The following RASA3 variants were observed in gnomAD, a reference collection of about 807,000 sequenced individuals.
RASA3 encodes ras GTPase-activating protein 3.
Under a neutral mutation model 110.0 loss-of-function variants are expected in RASA3, and 73 were observed. The ratio of observed to expected loss-of-function variants is 0.66; its 90% CI spans 0.55 to 0.81. RASA3 has a LOEUF of 0.81. RASA3 is among the 30% of genes least tolerant of loss of function. RASA3 has a pLI of 0.00. For synonymous variants in RASA3, 500 were observed against 451.4 expected, an observed-to-expected ratio of 1.11 and a Z score of -1.37; for missense variants, 976 against 1,113.2, an observed-to-expected ratio of 0.88 and a Z score of 1.75.
At chr13:114,117,474 CTG>C (rs1380567426) in intron 1 of RASA3, among the ~76,000 whole-genome samples, 2 of 96,738 alleles carry the variant, frequency 2.1e-5, no homozygotes, top group Non-Finnish European at 4.0e-5. Flanking sequence ...GGGTGCACAT[CTG>C]TGGGTGAGCA....
intron 5 of RASA3, among the ~76,000 whole-genome samples, chr13:114,029,113 A>G (rs182308021): frequency 6.8e-4 from 11 of 16,242 alleles, no homozygotes; most frequent in African/African-American, 2.4e-3. Flanking sequence ...CTAAAACGGC[A>G]TCATCCTGGG....
rs533038884 is a variant in RASA3, at chr13:114,118,654, G to A, written c.55+13781C>T. Reference sequence around the variant, plus strand: ...TGTCACCGCCACTTTTAAGCCACAGGCATTACACTAAAATCTGGACTAGCG... The same window carrying A: ...TGTCACCGCCACTTTTAAGCCACAGACATTACACTAAAATCTGGACTAGCG... On this transcript the variant is annotated intron_variant, in intron 1 of 23. Coordinates refer to ENST00000334062, the MANE Select transcript of RASA3 (RefSeq NM_007368.4). 1.6e-4 allele frequency among the ~76,000 whole-genome samples: 24 copies of A among 152,332 alleles called. No homozygotes were observed. The East Asian group carries it at 4.6e-3, about 29-fold the overall frequency.
Position 114,016,228 on chromosome 13 carries a change from A to G in RASA3, c.1250T>C (p.Leu417Ser), listed in dbSNP as rs868832930. 6.2e-7 allele frequency: 1 copy of G among 1,602,116 alleles called. No individual in the cohort carries two copies. The highest frequency in any genetic ancestry group is 8.6e-7 in the Non-Finnish European group (1 of 1,169,358). The change falls in exon 13 of 24, where the codon TTG (leucine) becomes TCG (serine). Residue 417 changes from leucine to serine, a missense_variant. By Grantham distance (145) the Leu-to-Ser change is moderately radical. Transcript: ENST00000334062. ...GTTTTCAAGGTTTTCTCCGTCTTTC[A>G]ACTTCACAGGGTCGATTTCACAGGG... is the stretch of plus-strand genomic sequence containing the variant. The part of the protein sequence containing the change: ...HKPCEIDPVK[L>S]KDGENLENNM...
chr13:114,062,147 G>A (rs926696697), intron 2 of RASA3, among the ~76,000 whole-genome samples: 180 of 151,008 alleles, frequency 1.2e-3, no homozygotes, highest in African/African-American at 4.2e-3. Context: ...GAGTTGATTC[G>A]TAATTCCATT....
chr13:114,002,172 G>A (rs2053420139), intron 18 of RASA3, among the ~76,000 whole-genome samples: 1 of 152,252 alleles, frequency 6.6e-6, no homozygotes, highest in Non-Finnish European at 1.5e-5. Flanking sequence ...CCAAGCTGGA[G>A]AGACAGAGTG....
At position 114,011,489 on chromosome 13, in the gene RASA3, G is replaced by C. The variant is rs781504997; in HGVS notation, c.1513-241C>G. Among the ~76,000 whole-genome samples the C allele has an allele frequency of 6.6e-6, 1 of 152,010 alleles. No individual in the cohort carries two copies. The highest frequency in any genetic ancestry group is 1.5e-5 in the Non-Finnish European group (1 of 67,990). On this transcript the variant is annotated intron_variant, in intron 15 of 23. Coordinates refer to ENST00000334062, the MANE Select transcript of RASA3 (RefSeq NM_007368.4). This position sits in a 1 kb window ranked among gnomAD's most constrained non-coding sequence, Gnocchi z 4.8. Reference sequence around the variant, plus strand: ...CGGCACCGCGGTGACCCACTCTCTCGGCCCAGCGTGCAGGGTGCATCTCAA... The same window carrying C: ...CGGCACCGCGGTGACCCACTCTCTCCGCCCAGCGTGCAGGGTGCATCTCAA...
intron 23 of RASA3, 68 bp from the exon 24 acceptor site, chr13:113,979,490 G>T: frequency 7.6e-7 from 1 of 1,309,752 alleles, no homozygotes; most frequent in Non-Finnish European, 1.1e-6. Context: ...CGTGGCTGCG[G>T]GAGCTTTTCC....
intron 1 of RASA3, among the ~76,000 whole-genome samples, chr13:114,090,642 G>C (rs1004327941): frequency 6.6e-6 from 1 of 152,178 alleles, no homozygotes; most frequent in African/African-American, 2.4e-5. Flanking sequence ...AACTACAAGA[G>C]AAAAACACCT....
chr13:114,132,118 G>A (rs1437131567), intron 1 of RASA3, among the ~76,000 whole-genome samples: 1 of 152,254 alleles, frequency 6.6e-6, no homozygotes, highest in Non-Finnish European at 1.5e-5. Context: ...ACGCTCGGGC[G>A]CACACGCGGA....
At chr13:114,047,413 C>T (rs756602258) in intron 3 of RASA3, among the ~76,000 whole-genome samples, 26 of 152,194 alleles carry the variant, frequency 1.7e-4, no homozygotes, top group Admixed American at 3.3e-4. Flanking sequence ...AAGGGCCGGG[C>T]AGGATGCGAA....
intron 4 of RASA3, among the ~76,000 whole-genome samples, chr13:114,032,286 G>A (rs1319474625): frequency 1.3e-5 from 2 of 152,174 alleles, no homozygotes. Flanking sequence ...GTGGGCCAGA[G>A]CCAACATTCT....
chr13:114,065,988 C>A lies in RASA3; in HGVS notation c.173+7732G>T, dbSNP rs1430000502. On this transcript the variant is annotated intron_variant, in intron 2 of 23. Coordinates refer to ENST00000334062, the MANE Select transcript of RASA3 (RefSeq NM_007368.4). The surrounding 1 kb of genome is among the most constrained non-coding windows in gnomAD (Gnocchi z 4.1). ...TGGTGAGCCACCTCACCTCCCCGAG[C>A]CTCAGTCTCCCCATCTGTTCAGGGG... Among the ~76,000 whole-genome samples, 1 of 152,142 alleles carries A rather than the reference C, an allele frequency of 6.6e-6. No homozygotes were observed. The highest frequency in any genetic ancestry group is 2.4e-5 in the African/African-American group (1 of 41,418).
At chr13:114,042,331 C>T (rs180762147) in intron 3 of RASA3, among the ~76,000 whole-genome samples, 263 of 152,392 alleles carry the variant, frequency 1.7e-3, no homozygotes, top group African/African-American at 6.1e-3. Flanking sequence ...CCCACGGCAG[C>T]ACATGCACCT....
At chr13:113,981,607 C>A (rs2052935799) in intron 23 of RASA3, 68 bp downstream of exon 23, 2 of 1,546,198 alleles carry the variant, frequency 1.3e-6, no homozygotes, top group African/African-American at 2.7e-5. Context: ...TCCCTGCAGC[C>A]CCACCCCCAC....
At chr13:114,033,857 A>G (rs2054229503) in intron 4 of RASA3, among the ~76,000 whole-genome samples, 1 of 152,232 alleles carries the variant, frequency 6.6e-6, no homozygotes, top group Non-Finnish European at 1.5e-5. Flanking sequence ...GAGGGGCCAC[A>G]AGGATGTTGG....
intron 10 of RASA3, 101 bp from the exon 11 acceptor site, chr13:114,018,353 C>T (rs527980884): frequency 3.4e-5 from 47 of 1,364,390 alleles, no homozygotes; most frequent in Admixed American, 8.3e-5. Context: ...ACAATAGATA[C>T]GGCTCTTTGC....
At chr13:114,077,184 G>A (rs1467833835) in intron 1 of RASA3, among the ~76,000 whole-genome samples, 1 of 152,320 alleles carries the variant, frequency 6.6e-6, no homozygotes, top group African/African-American at 2.4e-5. Context: ...GGACACTGCA[G>A]GACGGAAACA....
At chr13:113,991,951 ACT>A (rs1405332112) in intron 22 of RASA3, among the ~76,000 whole-genome samples, 51 of 145,434 alleles carry the variant, frequency 3.5e-4, no homozygotes, top group African/African-American at 1.1e-3. Context: ...ATTCACACAC[ACT>A]CACACACGTC....
rs150641444 is a variant in RASA3, at chr13:114,079,483, T to G, written c.56-5646A>C. ...ATTCAAAGGGGCCTAAAAATTTTGCTAGGCACACAGCGTCTTCTAACAACA... is the reference window on the plus strand; with the variant it reads ...ATTCAAAGGGGCCTAAAAATTTTGCGAGGCACACAGCGTCTTCTAACAACA... On this transcript the variant is annotated intron_variant, in intron 1 of 23. Coordinates refer to ENST00000334062, the MANE Select transcript of RASA3 (RefSeq NM_007368.4). Among the ~76,000 whole-genome samples, 10 of 152,316 alleles carry G rather than the reference T, an allele frequency of 6.6e-5. No individual in the cohort carries two copies. In the East Asian group the frequency reaches 1.4e-3, roughly 21 times the overall value.
Sources: allele counts gnomAD v4.1 joint callset (sites outside exome capture counted in the v4.1 genomes callset), GRCh38; gene constraint gnomAD v4.1.1; non-coding constraint Gnocchi (gnomAD v3.1); transcripts MANE v1.5; gene names NCBI Gene and HGNC (gene_info 2026-07-23, HGNC 2026-07-21).